MEI4: variants seen among roughly 807,000 people sequenced by gnomAD.
MEI4 encodes the protein meiosis-specific protein MEI4.
Under a neutral mutation model 31.4 loss-of-function variants are expected in MEI4, and 27 were observed. The ratio of observed to expected loss-of-function variants is 0.86; its 90% CI spans 0.63 to 1.19. The LOEUF is 1.19. MEI4 is among the 50% of genes most tolerant of loss of function. The probability of loss-of-function intolerance (pLI) is 0.00; values close to 1 mark genes in which losing one functional copy is unlikely to be tolerated. For missense variants in MEI4, 329 were observed against 398.9 expected, an observed-to-expected ratio of 0.82 and a Z score of 1.49; for synonymous variants, 122 against 145.4, an observed-to-expected ratio of 0.84 and a Z score of 1.16.
At chr6:77,875,971 G>T (rs535260314) in intron 4 of MEI4, among the ~76,000 whole-genome samples, 1 of 152,214 alleles carries the variant, frequency 6.6e-6, no homozygotes, top group East Asian at 1.9e-4. Context: ...GGAATGTGAT[G>T]ATATAAATCA....
intron 1 of MEI4, among the ~76,000 whole-genome samples, chr6:77,653,526 A>AT (rs1001828358): frequency 3.9e-5 from 6 of 152,154 alleles, no homozygotes; most frequent in Non-Finnish European, 8.8e-5. Flanking sequence ...TGCTGCTATG[A>AT]TTTTGCATTT....
intron 3 of MEI4, among the ~76,000 whole-genome samples, chr6:77,790,510 G>T (rs947936279): frequency 1.3e-5 from 2 of 150,730 alleles, no homozygotes; most frequent in African/African-American, 4.9e-5. Flanking sequence ...CCACCACTAT[G>T]CAATATACTT....
intron 4 of MEI4, among the ~76,000 whole-genome samples, chr6:77,904,977 T>A (rs1330462423): frequency 2.0e-5 from 3 of 152,186 alleles, no homozygotes; most frequent in Non-Finnish European, 4.4e-5. Flanking sequence ...TCCTTTATGC[T>A]TACTTTTTAC....
chr6:77,673,724 G>C (rs957689981), intron 1 of MEI4, among the ~76,000 whole-genome samples: 25 of 152,162 alleles, frequency 1.6e-4, no homozygotes, highest in African/African-American at 6.0e-4. Flanking sequence ...GGATGAAATG[G>C]TTAGGGAAGA....
At chr6:77,866,090 A>G (rs1771018506) in intron 4 of MEI4, among the ~76,000 whole-genome samples, 1 of 151,876 alleles carries the variant, frequency 6.6e-6, no homozygotes, top group African/African-American at 2.4e-5. Context: ...CAAAATAATA[A>G]GAGCTATCTA....
chr6:77,900,152 G>A (rs991343575), intron 4 of MEI4, among the ~76,000 whole-genome samples: 3 of 151,834 alleles, frequency 2.0e-5, no homozygotes, highest in African/African-American at 7.3e-5. Context: ...AATAATTATT[G>A]GCAAGGATGC....
At chr6:77,865,972 C>A (rs1771015109) in intron 4 of MEI4, among the ~76,000 whole-genome samples, 1 of 152,122 alleles carries the variant, frequency 6.6e-6, no homozygotes, top group South Asian at 2.1e-4. Flanking sequence ...GAACCAACGA[C>A]AAAAACCACA....
At chr6:77,798,640 C>G (rs1769154744) in intron 3 of MEI4, among the ~76,000 whole-genome samples, 2 of 111,692 alleles carry the variant, frequency 1.8e-5, no homozygotes, top group Non-Finnish European at 3.5e-5. Flanking sequence ...TATCCCTCCC[C>G]CCTCCCCCCA....
chr6:77,791,231 C>T (rs572308148), intron 3 of MEI4, among the ~76,000 whole-genome samples: 28 of 152,204 alleles, frequency 1.8e-4, no homozygotes, highest in South Asian at 1.5e-3. Flanking sequence ...CACATGCACA[C>T]GTATGTTTAT....
At chr6:77,709,425 G>C (rs1766407050) in intron 2 of MEI4, among the ~76,000 whole-genome samples, 2 of 152,108 alleles carry the variant, frequency 1.3e-5, no homozygotes, top group Non-Finnish European at 2.9e-5. Context: ...CTCTGACTAT[G>C]CTTGTAAATA....
At chr6:77,653,164 C>CA (rs1476581290) in intron 1 of MEI4, among the ~76,000 whole-genome samples, 72 bp downstream of exon 1, 1 of 152,168 alleles carries the variant, frequency 6.6e-6, no homozygotes, top group Non-Finnish European at 1.5e-5. Flanking sequence ...GGAAAACTTT[C>CA]AAAAACCAAG....
intron 2 of MEI4, among the ~76,000 whole-genome samples, chr6:77,743,499 T>C: frequency 6.6e-6 from 1 of 152,318 alleles, no homozygotes; most frequent in East Asian, 1.9e-4. Flanking sequence ...TGAAGTTGCT[T>C]ATCAGCTTAA....
intron 2 of MEI4, among the ~76,000 whole-genome samples, chr6:77,742,079 T>C (rs1425632843): frequency 2.0e-5 from 3 of 152,100 alleles, no homozygotes; most frequent in East Asian, 3.9e-4. Flanking sequence ...ACAATAAACA[T>C]ACGTGTGCAT....
At chr6:77,780,932 G>A (rs1768580521) in intron 3 of MEI4, among the ~76,000 whole-genome samples, 1 of 152,002 alleles carries the variant, frequency 6.6e-6, no homozygotes, top group Admixed American at 6.6e-5. Flanking sequence ...AGAAAAAGAT[G>A]GGGAAGTGCA....
intron 2 of MEI4, among the ~76,000 whole-genome samples, chr6:77,707,118 T>C (rs1766351042): frequency 6.6e-6 from 1 of 150,392 alleles, no homozygotes; most frequent in Non-Finnish European, 1.5e-5. Flanking sequence ...TTGGAACTTC[T>C]TAAGACTAAA....
At position 77,741,865 on chromosome 6, in the gene MEI4, C is replaced by G. The variant is rs1038431945; in HGVS notation, c.233-19265C>G. 2.0e-5 allele frequency among the ~76,000 whole-genome samples: 3 copies of G among 146,538 alleles called. No homozygotes were observed. In the Admixed American group the frequency reaches 2.1e-4, roughly 10 times the overall value. On this transcript the variant is annotated intron_variant, in intron 2 of 4. Transcript: ENST00000684080. ...ATTCCCACCTATGAGTGAGAACATG[C>G]GGTGTTTGGTTTTTTGTCCTTGTGA...
intron 4 of MEI4, among the ~76,000 whole-genome samples, chr6:77,908,778 T>A (rs566381755): frequency 2.2e-3 from 335 of 152,106 alleles, no homozygotes; most frequent in African/African-American, 7.3e-3. Flanking sequence ...GGTAAAGGGA[T>A]CAATTCAACA....
intron 4 of MEI4, among the ~76,000 whole-genome samples, chr6:77,864,299 A>G (rs1164250102): frequency 7.2e-5 from 11 of 152,236 alleles, no homozygotes; most frequent in African/African-American, 2.7e-4. Context: ...TTGGATAAAG[A>G]GTCAAGACCC....
At chr6:77,707,606 A>G (rs1561953061) in intron 2 of MEI4, among the ~76,000 whole-genome samples, 1 of 152,180 alleles carries the variant, frequency 6.6e-6, no homozygotes, top group Non-Finnish European at 1.5e-5. Context: ...ATCCAAGACA[A>G]TGGGAAAAAG....
Sources: gnomAD v4.1 joint callset for allele counts (sites outside exome capture counted in the v4.1 genomes callset) on GRCh38, gnomAD v4.1.1 for gene constraint, MANE v1.5 for transcripts, NCBI Gene and HGNC (gene_info 2026-07-23, HGNC 2026-07-21) for gene names.